GNAS: variants seen among roughly 807,000 people sequenced by gnomAD.
GNAS encodes GNAS complex locus, also known as protein ALEX.
A neutral mutation model predicts 54.5 loss-of-function variants in GNAS; 8 were observed. The observed-to-expected ratio is 0.15, with a 90% CI of 0.09 to 0.26. The LOEUF is 0.26. Among genes scored for constraint, GNAS ranks in the 10% least tolerant of loss-of-function variants. GNAS has a pLI of 1.00. For synonymous variants in GNAS, 204 were observed against 191.4 expected (o/e 1.07, Z -0.54); for missense variants, 170 against 529.8 (o/e 0.32, Z 6.67).
chr20:58,840,914 G>A lies in GNAS; in HGVS notation c.43+28G>A. 2 of 1,609,958 alleles carry A rather than the reference G, an allele frequency of 1.2e-6. No individual in the cohort carries two copies. The highest frequency in any genetic ancestry group is 1.1e-5 in the South Asian group (1 of 90,610). On this transcript the variant is annotated intron_variant, in intron 1 of 12. Coordinates refer to the GNAS transcript ENST00000306090. The surrounding 1 kb of genome is among the most constrained non-coding windows in gnomAD (Gnocchi z 6.0). ...TAGTTGCCCACCGCTAAACTGGGGAGCCTGAGGGCGGTGTGGGAGCAGCGC... is the reference window on the plus strand; with the variant it reads ...TAGTTGCCCACCGCTAAACTGGGGAACCTGAGGGCGGTGTGGGAGCAGCGC...
Position 58,898,926 on chromosome 20 carries a change from ATC to A in GNAS, c.213-9_213-8del. The stretch of plus-strand genomic sequence containing the variant: ...GCCTTGCAGATTAGGTGAGCTTTCA[ATC>A]TCTCTTTAAAAGGGGCGGCGAAGAG... On this transcript the variant is annotated splice_polypyrimidine_tract_variant and intron_variant, in intron 2 of 12. Coordinates refer to ENST00000371085, the MANE Select transcript of GNAS (RefSeq NM_000516.7). 6.2e-7 allele frequency: 1 copy of A among 1,612,234 alleles called. No homozygotes were observed. The highest frequency in any genetic ancestry group is 8.5e-7 in the Non-Finnish European group (1 of 1,178,262).
upstream of GNAS, chr20:58,839,997 C>G (rs918794407): frequency 7.0e-5 from 88 of 1,250,736 alleles, no homozygotes; most frequent in Non-Finnish European, 9.9e-5. Flanking sequence ...TCCGGGCCAG[C>G]TTCTCACCTC....
chr20:58,904,402 A>G (rs1408348924), intron 5 of GNAS, among the ~76,000 whole-genome samples: 1 of 152,236 alleles, frequency 6.6e-6, no homozygotes, highest in Admixed American at 6.5e-5. Context: ...AAATCATAAA[A>G]TAGAACATAT....
At chr20:58,902,748 TTTTTTG>T in intron 3 of GNAS, among the ~76,000 whole-genome samples, 1 of 138,274 alleles carries the variant, frequency 7.2e-6, no homozygotes, top group African/African-American at 2.8e-5. Context: ...TTTTTTTTTT[TTTTTTG>T]ACAGAGTCTC....
chr20:58,844,331 C>A (rs1414783489), intron 1 of GNAS, among the ~76,000 whole-genome samples: 1 of 152,208 alleles, frequency 6.6e-6, no homozygotes, highest in East Asian at 1.9e-4. Flanking sequence ...TCTAAAAAAT[C>A]ACCCAGCAGA....
At chr20:58,840,122 C>T (rs1313255145), upstream of GNAS, 6 of 1,611,188 alleles carry the variant, frequency 3.7e-6, no homozygotes, top group African/African-American at 2.7e-5. This position sits in a 1 kb window ranked among gnomAD's most constrained non-coding sequence, Gnocchi z 6.0. Context: ...TCGGAGGTCC[C>T]GGGCTCAGCA....
rs2086539168 is a variant in GNAS, at chr20:58,856,857, C to T, written c.43+15971C>T. 1 of 151,984 alleles carries T rather than the reference C, an allele frequency of 6.6e-6. No homozygotes were observed. The highest frequency in any genetic ancestry group is 1.5e-5 in the Non-Finnish European group (1 of 68,028). The allele number at this position is 151,984 out of a possible 1,614,324, so 9.4% of individuals were successfully genotyped here. On this transcript the variant is annotated intron_variant, in intron 1 of 12. Coordinates refer to the GNAS transcript ENST00000306090. This position sits in a 1 kb window ranked among gnomAD's most constrained non-coding sequence, Gnocchi z 4.2. ...GCCCTCCCCTCTCCAGGATCCCCCT[C>T]CTCACCCCACAGCAAGACCCTCTCC...
chr20:58,895,692 T>G lies in GNAS; in HGVS notation c.212+8T>G, dbSNP rs1403667053. 1 of 1,508,358 alleles carries G rather than the reference T, an allele frequency of 6.6e-7. No homozygotes were observed. The highest frequency in any genetic ancestry group is 2.3e-5 in the East Asian group (1 of 44,420). 93.4% of individuals were successfully genotyped at this position (1,508,358 alleles called of 1,614,324 possible). ...TAATGGGTTTAATGGAGAGTAAGTG[T>G]CAAATCTGTGCAGGGGGGCACCAAG... On this transcript the variant is annotated splice_region_variant and intron_variant, in intron 2 of 12. Transcript: ENST00000371085.
Position 58,853,636 on chromosome 20 carries a change from C to T in GNAS, c.43+12750C>T. ...CCTACACTGGAGCAGCCTGGATTCC[C>T]CAGTGGGGTCCATGCAGGCCTTGAG... On this transcript the variant is annotated intron_variant, in intron 1 of 12. Transcript: ENST00000306090. The surrounding 1 kb of genome is among the most constrained non-coding windows in gnomAD (Gnocchi z 4.4). 1 of 1,613,476 alleles carries T rather than the reference C, an allele frequency of 6.2e-7. No individual in the cohort carries two copies. Among genetic ancestry groups the T allele is most frequent in the Non-Finnish European group, 8.5e-7 (1 of 1,179,880 alleles).
chr20:58,891,617 C>T lies in GNAS; in HGVS notation c.-110C>T, dbSNP rs2089332702. On this transcript the variant is annotated 5_prime_UTR_variant, in exon 1 of 13. Coordinates refer to ENST00000371085, the MANE Select transcript of GNAS (RefSeq NM_000516.7). ...GCGCTCCTTGCCGAGGAGCCGAGCC[C>T]GCGCCCGGCCCGCCCGCCCGGCGCT... 30 of 971,240 alleles carry T rather than the reference C, an allele frequency of 3.1e-5. No individual in the cohort carries two copies. Among genetic ancestry groups the T allele is most frequent in the Non-Finnish European group, 3.2e-5 (26 of 822,674 alleles). 60.2% of individuals were successfully genotyped at this position (971,240 alleles called of 1,614,324 possible).
intron 2 of GNAS, among the ~76,000 whole-genome samples, chr20:58,897,151 C>G (rs1601045183): frequency 6.6e-6 from 1 of 152,224 alleles, no homozygotes; most frequent in East Asian, 1.9e-4. Flanking sequence ...GATTATGACT[C>G]TCAATGGGTT....
rs111557814 is a variant in GNAS, at chr20:58,862,656, C to T, written c.43+21770C>T. On this transcript the variant is annotated intron_variant, in intron 1 of 12. Transcript: ENST00000306090. ...AAAAGTGCCAGCCATCTCATTCTGT[C>T]TTTCTGTCTCCACCTTTCAGAGTAC... 8.6e-5 allele frequency among the ~76,000 whole-genome samples: 13 copies of T among 151,624 alleles called. 1 individual carries two copies. The highest frequency in any genetic ancestry group is 2.9e-4 in the African/African-American group (12 of 41,278).
At chr20:58,895,234 ATC>A (rs1222665305) in intron 1 of GNAS, 4 of 347,476 alleles carry the variant, frequency 1.2e-5, no homozygotes, top group Non-Finnish European at 1.7e-5. Context: ...ATGTTCATGT[ATC>A]AGGGATTCAG....
upstream of GNAS, chr20:58,840,211 C>T: frequency 6.2e-7 from 1 of 1,611,302 alleles, no homozygotes; most frequent in South Asian, 1.1e-5. This position sits in a 1 kb window ranked among gnomAD's most constrained non-coding sequence, Gnocchi z 6.0. Context: ...TCCTCTGGCT[C>T]TCCTGCTCCA....
chr20:58,889,154 A>G (rs1362991133), upstream of GNAS: 6 of 1,212,632 alleles, frequency 4.9e-6, no homozygotes, highest in African/African-American at 1.6e-5. Context: ...GCCGGTTAGA[A>G]GCTCTGCTCC....
chr20:58,867,173 A>G (rs2087116068), intron 1 of GNAS, among the ~76,000 whole-genome samples: 2 of 152,360 alleles, frequency 1.3e-5, no homozygotes, highest in South Asian at 4.1e-4. Context: ...CATCTTTCCA[A>G]GCAAATGCTT....
chr20:58,906,555 G>T (rs887655090), intron 6 of GNAS, among the ~76,000 whole-genome samples: 6 of 151,924 alleles, frequency 3.9e-5, no homozygotes, highest in Non-Finnish European at 5.9e-5. Flanking sequence ...TTTTTGAAAC[G>T]GAGTCTCACT....
In GNAS at chr20:58,891,652, C is replaced by T. The variant is rs1159956707; in HGVS notation, c.-75C>T. The stretch of plus-strand genomic sequence containing the variant: ...CCGCCCGCCCGGCGCTGCCCCGGCC[C>T]TCCCGGCCCGCGTGAGGCCGCCCGC... On this transcript the variant is annotated 5_prime_UTR_variant, in exon 1 of 13. Coordinates refer to ENST00000371085, the MANE Select transcript of GNAS (RefSeq NM_000516.7). 11 of 973,538 alleles carry T rather than the reference C, an allele frequency of 1.1e-5. No individual in the cohort carries two copies. The highest frequency in any genetic ancestry group is 4.6e-5 in the South Asian group (1 of 21,574). The allele number at this position is 973,538 out of a possible 1,614,324, so 60.3% of individuals were successfully genotyped here.
chr20:58,910,026 A>G lies in GNAS; in HGVS notation c.915A>G (p.Lys305=), dbSNP rs2146292381. The part of the protein sequence containing the change: ...DLLAEKVLAG[K]SKIEDYFPEF... ...TCGCTGAGAAAGTCCTTGCTGGGAA[A>G]TCGAAGATTGAGGACTACTTTCCAG... The change falls in exon 11 of 13, where the codon AAA becomes AAG. Residue 305 remains lysine, a synonymous_variant. Coordinates refer to ENST00000371085, the MANE Select transcript of GNAS (RefSeq NM_000516.7). The surrounding 1 kb of genome is among the most constrained non-coding windows in gnomAD (Gnocchi z 5.8). The G allele has an allele frequency of 6.2e-7, 1 of 1,613,826 alleles. No individual in the cohort carries two copies. Among genetic ancestry groups the G allele is most frequent in the African/African-American group, 1.3e-5 (1 of 75,056 alleles).
Sources: allele counts gnomAD v4.1 joint callset (sites outside exome capture counted in the v4.1 genomes callset), GRCh38; gene constraint gnomAD v4.1.1; non-coding constraint Gnocchi (gnomAD v3.1); transcripts MANE v1.5; gene names NCBI Gene and HGNC (gene_info 2026-07-23, HGNC 2026-07-21).